The following RASGRF2 variants were observed in gnomAD, a reference collection of about 807,000 sequenced individuals.
RASGRF2 encodes ras-specific guanine nucleotide-releasing factor 2.
Under a neutral mutation model 151.0 loss-of-function variants are expected in RASGRF2, and 76 were observed. The ratio of observed to expected loss-of-function variants is 0.50; its 90% CI spans 0.42 to 0.61. The LOEUF (loss-of-function observed/expected upper bound fraction) is 0.61, where lower values mean the gene tolerates loss of function less well. RASGRF2 is among the 20% of genes least tolerant of loss of function. The pLI is 0.00. For missense variants in RASGRF2, 1,148 were observed against 1,564.6 expected (o/e 0.73, Z 4.49); for synonymous variants, 504 against 566.5 (o/e 0.89, Z 1.57).
intron 1 of RASGRF2, among the ~76,000 whole-genome samples, chr5:81,023,087 A>G (rs13189599): frequency 0.21 from 14,235 of 69,028 alleles, 849 homozygotes; most frequent in African/African-American, 0.31. Context: ...CGGAGGGTAG[A>G]GGGTGGGAGG....
intron 1 of RASGRF2, among the ~76,000 whole-genome samples, chr5:81,003,448 C>T (rs767600725): frequency 2.0e-5 from 3 of 152,246 alleles, no homozygotes; most frequent in Non-Finnish European, 4.4e-5. Context: ...TGGTCTCGAT[C>T]TACTGACCTC....
chr5:80,979,794 A>G (rs917935794), intron 1 of RASGRF2, among the ~76,000 whole-genome samples: 3 of 152,244 alleles, frequency 2.0e-5, no homozygotes, highest in Admixed American at 1.3e-4. Context: ...GCTAGAGAAT[A>G]TCATGGCTAT....
chr5:81,019,937 T>C (rs1433573864), intron 1 of RASGRF2, among the ~76,000 whole-genome samples: 2 of 152,238 alleles, frequency 1.3e-5, no homozygotes, highest in Non-Finnish European at 2.9e-5. Context: ...CTGTTAGCTA[T>C]AAGTCTGTTG....
chr5:81,086,545 G>T (rs75666009), intron 8 of RASGRF2, among the ~76,000 whole-genome samples: 1 of 152,100 alleles, frequency 6.6e-6, no homozygotes, highest in Admixed American at 6.5e-5. Context: ...TCTCAATGAC[G>T]GGAACTGGCC....
chr5:80,970,074 C>T (rs1422188203), intron 1 of RASGRF2, among the ~76,000 whole-genome samples: 1 of 151,960 alleles, frequency 6.6e-6, no homozygotes, highest in Non-Finnish European at 1.5e-5. Flanking sequence ...ATCTGCCCGC[C>T]TTGGCCTCCC....
At chr5:81,070,775 T>G (rs1751750465) in intron 4 of RASGRF2, among the ~76,000 whole-genome samples, 194 bp downstream of exon 4, 1 of 152,034 alleles carries the variant, frequency 6.6e-6, no homozygotes, top group Non-Finnish European at 1.5e-5. Flanking sequence ...CTTTACACTG[T>G]CTAGGAAGGA....
At chr5:81,016,441 G>A (rs539630537) in intron 1 of RASGRF2, among the ~76,000 whole-genome samples, 3 of 152,222 alleles carry the variant, frequency 2.0e-5, no homozygotes, top group Non-Finnish European at 4.4e-5. Context: ...ATTCTCTTAG[G>A]CATTCTTAAA....
rs866687130 is a variant in RASGRF2, at chr5:80,969,840, T to C, written c.288+8814T>C. On this transcript the variant is annotated intron_variant, in intron 1 of 26. Transcript: ENST00000265080. ...CTTTTTTTTTTTTTTTTTTTTTTTT[T>C]TTTGAGACAGAGTTTTGCTCTTGTT... Among the ~76,000 whole-genome samples the C allele has an allele frequency of 3.7e-4, 46 of 125,020 alleles. No homozygotes were observed. The South Asian group carries it at 0.011, about 29-fold the overall frequency. The allele number at this position is 125,020 out of a possible 152,430, so 82.0% of individuals were successfully genotyped here. A position where few individuals can be genotyped will look rare whatever the true frequency, so the allele number is the denominator to read the frequency against.
chr5:81,192,916 A>T (rs1450802675), intron 18 of RASGRF2, among the ~76,000 whole-genome samples: 1 of 152,126 alleles, frequency 6.6e-6, no homozygotes, highest in East Asian at 1.9e-4. Flanking sequence ...TATGTTTTTC[A>T]TTTTCTTGAA....
At chr5:80,983,179 G>T (rs7717830) in intron 1 of RASGRF2, among the ~76,000 whole-genome samples, 13,219 of 152,270 alleles carry the variant, frequency 0.087, 1,182 homozygotes, top group African/African-American at 0.23. Flanking sequence ...CGTCAGCAAT[G>T]ACAGAGACCA....
intron 2 of RASGRF2, among the ~76,000 whole-genome samples, chr5:81,054,117 C>T (rs1345364891): frequency 6.6e-6 from 1 of 152,220 alleles, no homozygotes; most frequent in African/African-American, 2.4e-5. Flanking sequence ...TGTGCAGAAG[C>T]TCTTGAGTTT....
intron 1 of RASGRF2, among the ~76,000 whole-genome samples, chr5:81,017,967 G>A (rs568299): frequency 0.6 from 90,913 of 151,894 alleles, 28,029 homozygotes; most frequent in Middle Eastern, 0.81. Context: ...AAATTAGCCG[G>A]ACATGGTGAC....
Position 81,229,089 on chromosome 5 carries a change from A to G in RASGRF2, c.*3319A>G, listed in dbSNP as rs1756058333. 1 of 152,200 alleles carries G rather than the reference A, an allele frequency of 6.6e-6. No individual in the cohort carries two copies. Among genetic ancestry groups the G allele is most frequent in the Non-Finnish European group, 1.5e-5 (1 of 68,036 alleles). The allele number at this position is 152,200 out of a possible 1,614,324, so 9.4% of individuals were successfully genotyped here. On this transcript the variant is annotated 3_prime_UTR_variant, in exon 27 of 27. Coordinates refer to ENST00000265080, the MANE Select transcript of RASGRF2 (RefSeq NM_006909.3). ...TTTTAAATTCTTAACTGAAAAGAGT[A>G]ATGCAATACAGGGATTATTCCCAAT...
At chr5:80,991,655 T>C (rs138409468) in intron 1 of RASGRF2, among the ~76,000 whole-genome samples, 21 of 152,346 alleles carry the variant, frequency 1.4e-4, no homozygotes, top group Non-Finnish European at 2.5e-4. Context: ...ATGAGATGTA[T>C]ATTGATGTAC....
intron 13 of RASGRF2, among the ~76,000 whole-genome samples, chr5:81,109,316 G>A (rs773986574): frequency 6.6e-6 from 1 of 152,172 alleles, no homozygotes; most frequent in Non-Finnish European, 1.5e-5. Context: ...TGTTACATAT[G>A]TCTTCACTCA....
intron 1 of RASGRF2, among the ~76,000 whole-genome samples, chr5:80,966,827 G>A (rs918539601): frequency 6.6e-6 from 1 of 152,114 alleles, no homozygotes; most frequent in African/African-American, 2.4e-5. Context: ...ACTTATTACA[G>A]TGACTACAAA....
intron 17 of RASGRF2, among the ~76,000 whole-genome samples, chr5:81,148,973 A>G (rs143730770): frequency 0.04 from 6,132 of 152,212 alleles, 382 homozygotes; most frequent in African/African-American, 0.14. Flanking sequence ...TTACTCCTGC[A>G]AGAATGGCCA....
chr5:81,221,285 G>A (rs1054355635), intron 26 of RASGRF2, among the ~76,000 whole-genome samples: 8 of 152,092 alleles, frequency 5.3e-5, no homozygotes, highest in African/African-American at 1.7e-4. Context: ...CTCTCCTTGA[G>A]AGCGAAATAT....
chr5:81,083,695 G>C (rs1043661539), intron 7 of RASGRF2, among the ~76,000 whole-genome samples: 3 of 152,086 alleles, frequency 2.0e-5, no homozygotes, highest in Non-Finnish European at 4.4e-5. Flanking sequence ...GTTTAAATTG[G>C]CTTCAGCTGC....
Sources: gnomAD v4.1 joint callset for allele counts (sites outside exome capture counted in the v4.1 genomes callset) on GRCh38, gnomAD v4.1.1 for gene constraint, MANE v1.5 for transcripts, NCBI Gene and HGNC (gene_info 2026-07-23, HGNC 2026-07-21) for gene names.